MAPK8: variants seen among roughly 807,000 people sequenced by gnomAD.
The protein encoded by MAPK8 is JUN N-terminal kinase.
MAPK8 carries 13 observed loss-of-function variants against 52.9 expected under a neutral mutation model. The observed-to-expected ratio is 0.25, with a 90% confidence interval of 0.16 to 0.39. The LOEUF (loss-of-function observed/expected upper bound fraction) is 0.39, where lower values mean the gene tolerates loss of function less well. Ranked by LOEUF, MAPK8 falls within the 10% of genes least tolerant of loss-of-function variation. The probability of loss-of-function intolerance (pLI) is 1.00; values close to 1 mark genes in which losing one functional copy is unlikely to be tolerated. For missense variants in MAPK8, 300 were observed against 519.2 expected (o/e 0.58, Z 4.10); for synonymous variants, 191 against 169.8 (o/e 1.12, Z -0.97).
intron 1 of MAPK8, among the ~76,000 whole-genome samples, chr10:48,317,205 C>T (rs1261700966): frequency 1.3e-5 from 2 of 152,060 alleles, no homozygotes; most frequent in Admixed American, 6.5e-5. Flanking sequence ...ACAGGGTCTC[C>T]CTCTGTTGCC....
chr10:48,318,623 T>C (rs1842716861), intron 1 of MAPK8, among the ~76,000 whole-genome samples: 1 of 152,156 alleles, frequency 6.6e-6, no homozygotes, highest in Non-Finnish European at 1.5e-5. Flanking sequence ...TAACTTTGGG[T>C]GTGGGCTTCC....
At chr10:48,354,228 G>A (rs1205604278) in intron 1 of MAPK8, among the ~76,000 whole-genome samples, 2 of 152,184 alleles carry the variant, frequency 1.3e-5, no homozygotes, top group Non-Finnish European at 2.9e-5. Flanking sequence ...AAGAAAACAA[G>A]GGAAGGGAAG....
rs1404275908 is a variant in MAPK8 at position 48,437,364 on chromosome 10, G to A, written c.*2335G>A. ...TAAGCATCTTAAACATTTTTTTTTT[G>A]AAGAGAAGTTACAAATAACATTTCT... On this transcript the variant is annotated 3_prime_UTR_variant, in exon 12 of 12. Coordinates refer to ENST00000374189, the MANE Select transcript of MAPK8 (RefSeq NM_001323329.2). 6.7e-6 allele frequency: 1 copy of A among 149,748 alleles called. No individual in the cohort carries two copies. The highest frequency in any genetic ancestry group is 1.5e-5 in the Non-Finnish European group (1 of 67,496). 9.3% of individuals were successfully genotyped at this position (149,748 alleles called of 1,614,324 possible).
chr10:48,314,588 A>G (rs922835090), intron 1 of MAPK8, among the ~76,000 whole-genome samples: 6 of 152,172 alleles, frequency 3.9e-5, no homozygotes, highest in African/African-American at 1.4e-4. Flanking sequence ...GCGTATGTGC[A>G]TTTGTAATTT....
intron 1 of MAPK8, among the ~76,000 whole-genome samples, chr10:48,366,799 T>C (rs1266061810): frequency 6.6e-6 from 1 of 152,156 alleles, no homozygotes; most frequent in African/African-American, 2.4e-5. Flanking sequence ...TTTCTTTTTT[T>C]ACCCTGTTAA....
At chr10:48,388,371 A>T (rs1043709904) in intron 1 of MAPK8, among the ~76,000 whole-genome samples, 1 of 152,142 alleles carries the variant, frequency 6.6e-6, no homozygotes, top group African/African-American at 2.4e-5. Context: ...GTATTTTAGT[A>T]ACATCACTTT....
intron 5 of MAPK8, among the ~76,000 whole-genome samples, chr10:48,416,460 A>G (rs949297667): frequency 3.9e-5 from 6 of 152,202 alleles, no homozygotes; most frequent in Admixed American, 6.5e-5. Flanking sequence ...CTGGCTGGCA[A>G]ACATTCCTTT....
intron 5 of MAPK8, among the ~76,000 whole-genome samples, chr10:48,416,561 TC>T (rs1424634481): frequency 3.3e-5 from 5 of 152,170 alleles, no homozygotes; most frequent in Non-Finnish European, 5.9e-5. Context: ...TTCCTCTTGG[TC>T]CAGAAACATA....
intron 1 of MAPK8, among the ~76,000 whole-genome samples, chr10:48,324,620 T>G (rs959283823): frequency 1.3e-5 from 2 of 152,022 alleles, no homozygotes; most frequent in African/African-American, 4.8e-5. Context: ...CAATTAACTT[T>G]TATCTCAATT....
At chr10:48,403,757 GT>G (rs939512765) in intron 2 of MAPK8, among the ~76,000 whole-genome samples, 5 of 148,594 alleles carry the variant, frequency 3.4e-5, no homozygotes, top group African/African-American at 5.0e-5. Context: ...TTGTTTTTTT[GT>G]TTTTTTTTGA....
At chr10:48,383,551 A>T (rs760858561) in intron 1 of MAPK8, among the ~76,000 whole-genome samples, 1 of 152,216 alleles carries the variant, frequency 6.6e-6, no homozygotes, top group South Asian at 2.1e-4. Flanking sequence ...TTTAGATCTT[A>T]TCTCAGCTGG....
chr10:48,385,253 C>T (rs959866571), intron 1 of MAPK8, among the ~76,000 whole-genome samples: 3 of 152,084 alleles, frequency 2.0e-5, no homozygotes, highest in Non-Finnish European at 4.4e-5. Flanking sequence ...TAAAGGGGCT[C>T]GAATTCCATA....
chr10:48,319,625 G>T (rs1842804835), intron 1 of MAPK8, among the ~76,000 whole-genome samples: 1 of 152,124 alleles, frequency 6.6e-6, no homozygotes, highest in Admixed American at 6.5e-5. Flanking sequence ...GAGTAGCTGC[G>T]ATTACAGGTG....
At chr10:48,413,741 C>T (rs1368195493) in intron 5 of MAPK8, among the ~76,000 whole-genome samples, 1 of 143,476 alleles carries the variant, frequency 7.0e-6, no homozygotes, top group African/African-American at 2.6e-5. Flanking sequence ...AAATAAACTG[C>T]TGTTATTACC....
At chr10:48,355,166 T>G (rs544368677) in intron 1 of MAPK8, among the ~76,000 whole-genome samples, 4 of 152,202 alleles carry the variant, frequency 2.6e-5, no homozygotes, top group Non-Finnish European at 5.9e-5. Context: ...TTTTTAAAAA[T>G]AGCTAGAATT....
At chr10:48,351,539 A>T (rs376184482) in intron 1 of MAPK8, among the ~76,000 whole-genome samples, 45 of 152,232 alleles carry the variant, frequency 3.0e-4, no homozygotes, top group African/African-American at 1.1e-3. Flanking sequence ...AGTCATCAAG[A>T]CAGTGCTTCA....
chr10:48,392,575 CAT>C (rs2041681505), intron 1 of MAPK8, among the ~76,000 whole-genome samples: 1 of 152,070 alleles, frequency 6.6e-6, no homozygotes, highest in South Asian at 2.1e-4. Flanking sequence ...TATGGCCACA[CAT>C]GTGCTCTGGA....
At chr10:48,309,600 G>C (rs1428500318) in intron 1 of MAPK8, among the ~76,000 whole-genome samples, 2 of 152,182 alleles carry the variant, frequency 1.3e-5, no homozygotes, top group African/African-American at 4.8e-5. Context: ...AAGTGACCTT[G>C]TGAGGATGAG....
At chr10:48,378,299 C>G (rs1401826307) in intron 1 of MAPK8, among the ~76,000 whole-genome samples, 2 of 152,108 alleles carry the variant, frequency 1.3e-5, no homozygotes, top group African/African-American at 4.8e-5. Flanking sequence ...CACAGAGTGG[C>G]AGAAATGAGA....
Sources: gnomAD v4.1 joint callset for allele counts (sites outside exome capture counted in the v4.1 genomes callset) on GRCh38, gnomAD v4.1.1 for gene constraint, MANE v1.5 for transcripts, NCBI Gene and HGNC (gene_info 2026-07-23, HGNC 2026-07-21) for gene names.